COMMD6: variants seen among roughly 807,000 people sequenced by gnomAD.
COMMD6 encodes COMM domain containing 6.
COMMD6 carries 11 observed loss-of-function variants against 13.4 expected under a neutral mutation model. That is an observed-to-expected ratio of 0.82 (90% confidence interval 0.52 to 1.36). The LOEUF (loss-of-function observed/expected upper bound fraction) is 1.36, where lower values mean the gene tolerates loss of function less well. Ranked by LOEUF, COMMD6 falls within the 40% of genes most tolerant of loss-of-function variation. COMMD6 has a pLI of 0.00. For synonymous variants in COMMD6, 43 were observed against 36.5 expected (o/e 1.18, Z -0.64); for missense variants, 124 against 102.4 (o/e 1.21, Z -0.91).
upstream of COMMD6, among the ~76,000 whole-genome samples, chr13:75,542,492 T>C (rs1393955812): frequency 6.6e-6 from 1 of 152,190 alleles, no homozygotes; most frequent in Non-Finnish European, 1.5e-5. Flanking sequence ...TTTCACCATG[T>C]TGGTCAGTCT....
In COMMD6 at chr13:75,545,523, G is replaced by A. The variant is rs187899395; in HGVS notation, n.106+3800C>T. Reference sequence around the variant, plus strand: ...GCTCTGTCACCCAGGCTGGAGTGCCGTGGCGGTGGCGCTATCTCTGCTCAC... The same window carrying A: ...GCTCTGTCACCCAGGCTGGAGTGCCATGGCGGTGGCGCTATCTCTGCTCAC... On this transcript the variant is annotated intron_variant and non_coding_transcript_variant, in intron 1 of 2. Coordinates refer to the COMMD6 transcript ENST00000460675. 1.3e-3 allele frequency among the ~76,000 whole-genome samples: 195 copies of A among 151,062 alleles called. 1 individual carries two copies. The highest frequency in any genetic ancestry group is 4.5e-3 in the African/African-American group (184 of 41,182).
chr13:75,527,007 A>G (rs2030287167), intron 3 of COMMD6, among the ~76,000 whole-genome samples: 1 of 152,214 alleles, frequency 6.6e-6, no homozygotes. Context: ...ACCGCATTTC[A>G]GTGTGGTAAG....
At chr13:75,535,519 G>A (rs1305586179) in intron 2 of COMMD6, among the ~76,000 whole-genome samples, 1 of 152,218 alleles carries the variant, frequency 6.6e-6, no homozygotes, top group African/African-American at 2.4e-5. Flanking sequence ...AATTTAGAGT[G>A]AGAGAAAACA....
upstream of COMMD6, among the ~76,000 whole-genome samples, chr13:75,542,410 C>T (rs2030840255): frequency 6.6e-6 from 1 of 152,014 alleles, no homozygotes; most frequent in East Asian, 1.9e-4. Flanking sequence ...CTGCCTTAGC[C>T]TCTCAAGTAG....
intron 2 of COMMD6, among the ~76,000 whole-genome samples, chr13:75,532,630 A>AG (rs1467391176): frequency 3.3e-5 from 5 of 152,068 alleles, no homozygotes; most frequent in Non-Finnish European, 5.9e-5. Context: ...AGGAGATCAG[A>AG]ATCATCCTGG....
intron 2 of COMMD6, among the ~76,000 whole-genome samples, chr13:75,535,684 A>G (rs1421859275): frequency 6.6e-6 from 1 of 152,100 alleles, no homozygotes; most frequent in Admixed American, 6.5e-5. Context: ...GGGGACAGCA[A>G]TTTGCCCTGT....
At chr13:75,540,365 C>G (rs1216113870), upstream of COMMD6, among the ~76,000 whole-genome samples, 1 of 151,646 alleles carries the variant, frequency 6.6e-6, no homozygotes, top group African/African-American at 2.4e-5. Flanking sequence ...CACACACACA[C>G]ACACACAGAC....
chr13:75,545,159 C>T (rs1451965039), intron 1 of COMMD6, among the ~76,000 whole-genome samples: 2 of 152,140 alleles, frequency 1.3e-5, no homozygotes, highest in African/African-American at 2.4e-5. Flanking sequence ...GGTACAAACC[C>T]ATGCAGCAGG....
chr13:75,536,371 A>C (rs1470560890), intron 2 of COMMD6, among the ~76,000 whole-genome samples: 1 of 152,248 alleles, frequency 6.6e-6, no homozygotes, highest in Non-Finnish European at 1.5e-5. Flanking sequence ...GATGTGCAGT[A>C]GGCTGAATAA....
chr13:75,541,512 C>T (rs540837875), upstream of COMMD6, among the ~76,000 whole-genome samples: 4 of 151,900 alleles, frequency 2.6e-5, no homozygotes, highest in South Asian at 2.1e-4. Flanking sequence ...GGAAGCTGCC[C>T]GTTCATCTCA....
At chr13:75,541,507 C>G (rs541596722), upstream of COMMD6, among the ~76,000 whole-genome samples, 3 of 152,116 alleles carry the variant, frequency 2.0e-5, no homozygotes, top group South Asian at 2.1e-4. Flanking sequence ...AAAGAGGAAG[C>G]TGCCCGTTCA....
rs2030225031 is a variant in COMMD6 at position 75,525,775 on chromosome 13, T to C, written c.*814A>G. The C allele has an allele frequency of 6.6e-6, 1 of 152,254 alleles. No individual in the cohort carries two copies. The highest frequency in any genetic ancestry group is 1.9e-4 in the East Asian group (1 of 5,196). 9.4% of individuals were successfully genotyped at this position (152,254 alleles called of 1,614,324 possible). ...AAATTTCTAATATGGCGGACCAGAA[T>C]GTCTTGATCTATTTCTAGGCCATCT... is the stretch of plus-strand genomic sequence containing the variant. On this transcript the variant is annotated 3_prime_UTR_variant, in exon 4 of 4. Transcript: ENST00000682242.
chr13:75,532,964 T>TCTGTTG (rs2030537795), intron 2 of COMMD6, among the ~76,000 whole-genome samples: 1 of 150,056 alleles, frequency 6.7e-6, no homozygotes, highest in South Asian at 2.1e-4. Context: ...GGAGTCTCGC[T>TCTGTTG]CTGTTGCTCA....
At chr13:75,533,537 C>CA (rs2030561314) in intron 2 of COMMD6, among the ~76,000 whole-genome samples, 1 of 148,686 alleles carries the variant, frequency 6.7e-6, no homozygotes, top group African/African-American at 2.5e-5. Context: ...CCACTGCACT[C>CA]CAGCCTGGGC....
intron 1 of COMMD6, among the ~76,000 whole-genome samples, chr13:75,547,353 C>T (rs1405135341): frequency 3.9e-5 from 6 of 152,084 alleles, no homozygotes; most frequent in Admixed American, 2.6e-4. Context: ...TGAGTGACCA[C>T]GACAACTTTG....
At chr13:75,538,255 T>A (rs2030754065), upstream of COMMD6, among the ~76,000 whole-genome samples, 1 of 152,202 alleles carries the variant, frequency 6.6e-6, no homozygotes, top group South Asian at 2.1e-4. Context: ...TAGGATGAGC[T>A]GCTTCGCTGG....
At chr13:75,537,899 G>A (rs200147107), upstream of COMMD6, 10 of 1,339,142 alleles carry the variant, frequency 7.5e-6, no homozygotes, top group South Asian at 5.7e-5. Flanking sequence ...CCTGGCGCAT[G>A]GGGCGGACGT....
At chr13:75,540,190 C>T (rs1357361602), upstream of COMMD6, among the ~76,000 whole-genome samples, 3 of 151,902 alleles carry the variant, frequency 2.0e-5, no homozygotes, top group Non-Finnish European at 4.4e-5. Context: ...AGGCTGGTCT[C>T]GAACTCCTGA....
upstream of COMMD6, among the ~76,000 whole-genome samples, chr13:75,543,290 C>A: frequency 6.6e-6 from 1 of 152,046 alleles, no homozygotes; most frequent in East Asian, 1.9e-4. Flanking sequence ...ACAATTTACC[C>A]ATGTAACAAA....
Sources: gnomAD v4.1 joint callset for allele counts (sites outside exome capture counted in the v4.1 genomes callset) on GRCh38, gnomAD v4.1.1 for gene constraint, MANE v1.5 for transcripts, NCBI Gene and HGNC (gene_info 2026-07-23, HGNC 2026-07-21) for gene names.